Variants in PRKACB observed in about 807,000 individuals in gnomAD.
PRKACB encodes the protein cAMP-dependent protein kinase catalytic subunit beta.
In PRKACB, 16 loss-of-function variants were observed where a neutral mutation model predicts 51.4. The ratio of observed to expected loss-of-function variants is 0.31; its 90% CI spans 0.21 to 0.47. The LOEUF is 0.47. Ranked by LOEUF, PRKACB falls within the 20% of genes least tolerant of loss-of-function variation. The probability of loss-of-function intolerance (pLI) is 1.00; values close to 1 mark genes in which losing one functional copy is unlikely to be tolerated. For synonymous variants in PRKACB, 147 were observed against 154.4 expected (o/e 0.95, Z 0.35); for missense variants, 309 against 464.5 (o/e 0.67, Z 3.08).
intron 7 of PRKACB, among the ~76,000 whole-genome samples, chr1:84,199,832 G>GTTTATTTA (rs3051183): frequency 1.8e-3 from 264 of 149,492 alleles, no homozygotes; most frequent in Middle Eastern, 0.011. Flanking sequence ...TTGACTATTT[G>GTTTATTTA]TTTATTTATT....
intron 1 of PRKACB, among the ~76,000 whole-genome samples, chr1:84,120,755 CT>C (rs918653822): frequency 6.6e-6 from 1 of 151,608 alleles, no homozygotes; most frequent in Non-Finnish European, 1.5e-5. Flanking sequence ...GTACATTTTT[CT>C]TTTTTTTCTT....
At chr1:84,114,110 TAGG>T (rs1341652979) in intron 1 of PRKACB, among the ~76,000 whole-genome samples, 1 of 152,110 alleles carries the variant, frequency 6.6e-6, no homozygotes, top group East Asian at 1.9e-4. Context: ...CATGTCATGT[TAGG>T]AGAAACAAAA....
intron 1 of PRKACB, among the ~76,000 whole-genome samples, chr1:84,166,875 A>T (rs1459443302): frequency 6.6e-6 from 1 of 151,630 alleles, no homozygotes; most frequent in African/African-American, 2.4e-5. Flanking sequence ...AATCTCATCC[A>T]TGCCTACATC....
rs2100563059 is a variant in PRKACB, at chr1:84,133,887, G to T, written c.47-45290G>T. Among the ~76,000 whole-genome samples the T allele has an allele frequency of 1.3e-5, 2 of 152,234 alleles. 1 individual carries two copies. Among genetic ancestry groups the T allele is most frequent in the East Asian group, 3.9e-4 (2 of 5,184 alleles). ...TAACAGTTCAGTGGACCCTTTGCCT[G>T]TTCACAAGTTCAGAGAGTGTGATAG... On this transcript the variant is annotated intron_variant, in intron 1 of 8. Coordinates refer to the PRKACB transcript ENST00000370688.
intron 7 of PRKACB, among the ~76,000 whole-genome samples, 192 bp from the exon 8 acceptor site, chr1:84,202,491 A>G (rs1321627944): frequency 6.6e-6 from 1 of 152,096 alleles, no homozygotes; most frequent in Non-Finnish European, 1.5e-5. Flanking sequence ...GTATCTGGAA[A>G]TCCTCTCCTT....
At chr1:84,148,765 A>G (rs1654458950) in intron 1 of PRKACB, among the ~76,000 whole-genome samples, 4 of 152,228 alleles carry the variant, frequency 2.6e-5, no homozygotes, top group Admixed American at 2.6e-4. Flanking sequence ...TAGTAAAACT[A>G]AAATAGTTGG....
At chr1:84,171,066 A>G (rs1659302790) in intron 1 of PRKACB, among the ~76,000 whole-genome samples, 1 of 151,664 alleles carries the variant, frequency 6.6e-6, no homozygotes, top group Non-Finnish European at 1.5e-5. Context: ...GCTTTAAAAA[A>G]ATCACACAAA....
At chr1:84,190,829 T>C (rs1666548539) in intron 5 of PRKACB, among the ~76,000 whole-genome samples, 1 of 152,112 alleles carries the variant, frequency 6.6e-6, no homozygotes, top group Non-Finnish European at 1.5e-5. Context: ...TTAAGTTCTG[T>C]TTTATTGTAT....
chr1:84,164,155 A>G (rs1340815677), intron 1 of PRKACB: 1 of 464,894 alleles, frequency 2.2e-6, no homozygotes, highest in African/African-American at 2.1e-5. Context: ...GCAGATATAC[A>G]TATATGTATA....
At chr1:84,155,586 C>T (rs1655396735) in intron 1 of PRKACB, among the ~76,000 whole-genome samples, 1 of 152,126 alleles carries the variant, frequency 6.6e-6, no homozygotes, top group Non-Finnish European at 1.5e-5. Context: ...ACTTTTTCCA[C>T]TGTTAAAAAT....
chr1:84,109,135 T>A (rs1650014495), intron 1 of PRKACB, among the ~76,000 whole-genome samples: 1 of 152,010 alleles, frequency 6.6e-6, no homozygotes, highest in Non-Finnish European at 1.5e-5. Context: ...TATGTCACAG[T>A]TTAAATGTTC....
intron 1 of PRKACB, among the ~76,000 whole-genome samples, chr1:84,170,057 T>C (rs1658915267): frequency 6.6e-6 from 1 of 151,654 alleles, no homozygotes; most frequent in African/African-American, 2.4e-5. Flanking sequence ...TTTAAGTGAA[T>C]TCTAATTTAA....
At chr1:84,210,202 G>T (rs1382068724) in intron 8 of PRKACB, among the ~76,000 whole-genome samples, 2 of 152,056 alleles carry the variant, frequency 1.3e-5, no homozygotes, top group East Asian at 1.9e-4. Flanking sequence ...AGAAAAATCA[G>T]AAGTAATATG....
rs1268093981 is a variant in PRKACB, at chr1:84,236,282, C to T, written c.*977C>T. The stretch of plus-strand genomic sequence containing the variant: ...AAAAGAACATTGGTTTAGATAAATA[C>T]TTATACTTTGCAAAGTCAAAAATGG... On this transcript the variant is annotated 3_prime_UTR_variant, in exon 10 of 10. Transcript: ENST00000370685. 6.6e-6 allele frequency: 1 copy of T among 152,534 alleles called. No homozygotes were observed. Among genetic ancestry groups the T allele is most frequent in the Admixed American group, 6.5e-5 (1 of 15,278 alleles). The allele number at this position is 152,534 out of a possible 1,614,324, so 9.4% of individuals were successfully genotyped here. A position where few individuals can be genotyped will look rare whatever the true frequency, so the allele number is the denominator to read the frequency against.
intron 9 of PRKACB, among the ~76,000 whole-genome samples, chr1:84,218,152 C>T (rs528638804): frequency 6.6e-5 from 10 of 152,258 alleles, no homozygotes; most frequent in Non-Finnish European, 1.5e-4. Flanking sequence ...GTGTTGGGAA[C>T]ATTTCAAATT....
intron 9 of PRKACB, among the ~76,000 whole-genome samples, chr1:84,216,499 G>A (rs897629142): frequency 4.6e-5 from 7 of 152,044 alleles, no homozygotes; most frequent in Non-Finnish European, 7.4e-5. Flanking sequence ...ATGAATCATG[G>A]CTGTCAGCAT....
chr1:84,085,991 G>T (rs947700884), intron 1 of PRKACB: 3 of 732,468 alleles, frequency 4.1e-6, no homozygotes, highest in Admixed American at 1.9e-5. Flanking sequence ...GGATTTCCAC[G>T]CACAGTGGTG....
intron 1 of PRKACB, among the ~76,000 whole-genome samples, chr1:84,085,446 G>A (rs1369851222): frequency 1.3e-5 from 2 of 152,058 alleles, no homozygotes; most frequent in South Asian, 2.1e-4. Context: ...GGGATGGATT[G>A]GATAATGACA....
At chr1:84,086,304 C>T in intron 1 of PRKACB, 1 of 987,594 alleles carries the variant, frequency 1.0e-6, no homozygotes. Context: ...CCTGCTGCCT[C>T]CCTCCTGTCT....
Sources: gnomAD v4.1 joint callset for allele counts (sites outside exome capture counted in the v4.1 genomes callset) on GRCh38, gnomAD v4.1.1 for gene constraint, MANE v1.5 for transcripts, NCBI Gene and HGNC (gene_info 2026-07-23, HGNC 2026-07-21) for gene names.